The following EXOC2 variants were observed in gnomAD, a reference collection of about 807,000 sequenced individuals.
EXOC2 encodes exocyst complex component 2.
Under a neutral mutation model 131.8 loss-of-function variants are expected in EXOC2, and 70 were observed. The ratio of observed to expected loss-of-function variants is 0.53; its 90% CI spans 0.44 to 0.65. The LOEUF (loss-of-function observed/expected upper bound fraction) is 0.65, where lower values mean the gene tolerates loss of function less well. EXOC2 is among the 30% of genes least tolerant of loss of function. The pLI is 0.00. For missense variants in EXOC2, 923 were observed against 1,108.6 expected (o/e 0.83, Z 2.38); for synonymous variants, 411 against 398.4 (o/e 1.03, Z -0.38).
rs1316270456 is a variant in EXOC2, at chr6:556,650, C to T, written c.1852-86G>A. The T allele has an allele frequency of 3.0e-5, 42 of 1,408,880 alleles. 1 individual carries two copies. In the South Asian group the frequency reaches 4.9e-4, roughly 17 times the overall value. 87.3% of individuals were successfully genotyped at this position (1,408,880 alleles called of 1,614,324 possible). On this transcript the variant is annotated intron_variant, in intron 17 of 27. Coordinates refer to ENST00000230449, the MANE Select transcript of EXOC2 (RefSeq NM_018303.6). ...TAACACAAGCGAATATGGCCCCAAGCCCCACATTTTCCAGATTAATGGAAT... is the reference window on the plus strand; with the variant it reads ...TAACACAAGCGAATATGGCCCCAAGTCCCACATTTTCCAGATTAATGGAAT...
intron 1 of EXOC2, among the ~76,000 whole-genome samples, 178 bp downstream of exon 1, chr6:692,841 C>T (rs1765010248): frequency 6.6e-6 from 1 of 152,008 alleles, no homozygotes; most frequent in Non-Finnish European, 1.5e-5. Flanking sequence ...GGGATGGGGG[C>T]TGCGGGGCTG....
intron 1 of EXOC2, among the ~76,000 whole-genome samples, chr6:692,738 T>A (rs1169359770): frequency 1.4e-5 from 2 of 146,924 alleles, no homozygotes; most frequent in South Asian, 4.4e-4. Context: ...GAGTCAGCCC[T>A]CTGCAGCCCA....
chr6:619,358 G>C (rs754569890), intron 5 of EXOC2, 72 bp downstream of exon 5: 1 of 1,263,694 alleles, frequency 7.9e-7, no homozygotes, highest in Admixed American at 1.8e-5. Flanking sequence ...CCTAAAACTC[G>C]AGTTACCGTG....
intron 25 of EXOC2, among the ~76,000 whole-genome samples, chr6:495,225 A>G (rs1426160993): frequency 6.7e-6 from 1 of 149,776 alleles, no homozygotes; most frequent in African/African-American, 2.5e-5. Flanking sequence ...TCCAGGGTTC[A>G]CGCCATTCTC....
chr6:541,347 G>C (rs1245641782), intron 22 of EXOC2, among the ~76,000 whole-genome samples: 1 of 152,192 alleles, frequency 6.6e-6, no homozygotes, highest in African/African-American at 2.4e-5. Flanking sequence ...GAAATTCACA[G>C]CCTTAAATGT....
Position 546,051 on chromosome 6 carries a change from TG to T in EXOC2, c.2238+3123del, listed in dbSNP as rs143970335. On this transcript the variant is annotated intron_variant, in intron 22 of 27. Coordinates refer to ENST00000230449, the MANE Select transcript of EXOC2 (RefSeq NM_018303.6). The stretch of plus-strand genomic sequence containing the variant: ...CATATAGATAGGATATATAAAGTCA[TG>T]GTTACTATAAATATTAAAATCGTAG... 2.8e-4 allele frequency among the ~76,000 whole-genome samples: 42 copies of T among 152,286 alleles called. No individual in the cohort carries two copies. In the East Asian group the frequency reaches 7.9e-3, roughly 29 times the overall value.
chr6:693,042 A>G lies in EXOC2; in HGVS notation c.-67T>C, dbSNP rs1765024527. On this transcript the variant is annotated 5_prime_UTR_variant, in exon 1 of 28. Transcript: ENST00000230449. ...ACCTCCAGCCGTCCTGCCGCAGCTC[A>G]CGGCCGGCACAGACAGGGCCCGGTA... is the stretch of plus-strand genomic sequence containing the variant. The G allele has an allele frequency of 6.6e-6, 1 of 152,362 alleles. No homozygotes were observed. The highest frequency in any genetic ancestry group is 2.1e-4 in the South Asian group (1 of 4,834). 9.4% of individuals were successfully genotyped at this position (152,362 alleles called of 1,614,324 possible). A position where few individuals can be genotyped will look rare whatever the true frequency, so the allele number is the denominator to read the frequency against.
At chr6:601,181 G>C (rs1486918885) in intron 7 of EXOC2, among the ~76,000 whole-genome samples, 4 of 152,094 alleles carry the variant, frequency 2.6e-5, no homozygotes, top group Admixed American at 2.6e-4. Flanking sequence ...ATCAACAAAG[G>C]TCATCCCATA....
chr6:571,981 A>G (rs1758303747), intron 13 of EXOC2, among the ~76,000 whole-genome samples: 2 of 152,236 alleles, frequency 1.3e-5, no homozygotes, highest in African/African-American at 2.4e-5. Context: ...TGAAGATACT[A>G]AAGCATTAAT....
intron 7 of EXOC2, among the ~76,000 whole-genome samples, chr6:606,410 GTAT>G (rs1760414721): frequency 6.6e-6 from 1 of 151,366 alleles, no homozygotes; most frequent in Non-Finnish European, 1.5e-5. Flanking sequence ...AGAACTTAAA[GTAT>G]AATAATAAAA....
intron 23 of EXOC2, among the ~76,000 whole-genome samples, chr6:520,793 TCAC>T (rs1765378607): frequency 7.5e-6 from 1 of 132,756 alleles, no homozygotes; most frequent in Non-Finnish European, 1.6e-5. Flanking sequence ...GCACCAACAC[TCAC>T]CGTCCACACT....
chr6:657,059 G>T, intron 1 of EXOC2: 2 of 863,582 alleles, frequency 2.3e-6, no homozygotes, highest in Non-Finnish European at 3.4e-6. Context: ...CGGCCCCCCA[G>T]CTAGGCAGGC....
Position 505,583 on chromosome 6 carries a change from C to T in EXOC2, c.2381-5883G>A, listed in dbSNP as rs192958947. ...AGCCAACAAGCGGGAGGTGTTAGGA[C>T]GGCCCCGCCCCACCCCACTCTGCAT... On this transcript the variant is annotated intron_variant, in intron 23 of 27. Transcript: ENST00000230449. Among the ~76,000 whole-genome samples, 20 of 152,332 alleles carry T rather than the reference C, an allele frequency of 1.3e-4. No homozygotes were observed. In the East Asian group the frequency reaches 1.9e-3, roughly 15 times the overall value.
At chr6:606,040 G>A (rs137978051) in intron 7 of EXOC2, among the ~76,000 whole-genome samples, 3,939 of 152,256 alleles carry the variant, frequency 0.026, 194 homozygotes, top group African/African-American at 0.09. Flanking sequence ...ATGACAGACT[G>A]GATTAAGAAA....
Position 598,942 on chromosome 6 carries a change from C to A in EXOC2, c.889-1G>T, listed in dbSNP as rs750701969. 1 of 1,597,908 alleles carries A rather than the reference C, an allele frequency of 6.3e-7. No individual in the cohort carries two copies. The highest frequency in any genetic ancestry group is 1.8e-5 in the Admixed American group (1 of 56,122). ...CATTAATAACCACATCATAATCACC[C>A]TTTAAAATAAAGAAACATTTTGAAA... is the stretch of plus-strand genomic sequence containing the variant. On this transcript the variant is annotated splice_acceptor_variant, in intron 8 of 27. Coordinates refer to ENST00000230449, the MANE Select transcript of EXOC2 (RefSeq NM_018303.6). LOFTEE classifies it high-confidence loss of function.
chr6:499,430 A>AACACAC (rs5873755), intron 24 of EXOC2, among the ~76,000 whole-genome samples: 10,990 of 141,590 alleles, frequency 0.078, 443 homozygotes, highest in African/African-American at 0.096. Context: ...CTCACAGTTA[A>AACACAC]ACACACACAC....
At chr6:534,180 C>T (rs1766286119) in intron 22 of EXOC2, among the ~76,000 whole-genome samples, 1 of 152,054 alleles carries the variant, frequency 6.6e-6, no homozygotes, top group Non-Finnish European at 1.5e-5. Flanking sequence ...AACAACAAGA[C>T]TAGAAGATAA....
At chr6:597,908 T>A in intron 10 of EXOC2, 113 bp downstream of exon 10, 1 of 701,746 alleles carries the variant, frequency 1.4e-6, no homozygotes, top group Admixed American at 3.0e-5. Context: ...TGTCTTCCCC[T>A]TCACCATTTC....
intron 13 of EXOC2, among the ~76,000 whole-genome samples, chr6:570,345 G>C (rs1758209357): frequency 6.6e-6 from 1 of 152,154 alleles, no homozygotes; most frequent in Non-Finnish European, 1.5e-5. Context: ...GTGTCAGCCA[G>C]GATGATTTCA....
Sources: gnomAD v4.1 joint callset for allele counts (sites outside exome capture counted in the v4.1 genomes callset) on GRCh38, gnomAD v4.1.1 for gene constraint, MANE v1.5 for transcripts, NCBI Gene and HGNC (gene_info 2026-07-23, HGNC 2026-07-21) for gene names.